Variants in CENPE observed in about 807,000 individuals in gnomAD.
The protein encoded by CENPE is centromere-associated protein E.
CENPE carries 145 observed loss-of-function variants against 336.1 expected under a neutral mutation model. That is an observed-to-expected ratio of 0.43 (90% CI 0.38 to 0.50). The LOEUF is 0.50. Ranked by LOEUF, CENPE falls within the 20% of genes least tolerant of loss-of-function variation. CENPE has a pLI of 0.00. For synonymous variants in CENPE, 1,013 were observed against 984.8 expected, an observed-to-expected ratio of 1.03 and a Z score of -0.54; for missense variants, 2,719 against 3,023.3, an observed-to-expected ratio of 0.90 and a Z score of 2.36.
chr4:103,184,077 T>A (rs929935954), intron 9 of CENPE, among the ~76,000 whole-genome samples: 1 of 152,170 alleles, frequency 6.6e-6, no homozygotes, highest in Non-Finnish European at 1.5e-5. Context: ...ACAAAAAAAA[T>A]TGTAAAAATA....
In CENPE at chr4:103,146,040, T is replaced by C; in HGVS notation, c.4202A>G (p.Lys1401Arg). The C allele has an allele frequency of 6.2e-7, 1 of 1,613,944 alleles. No individual in the cohort carries two copies. Among genetic ancestry groups the C allele is most frequent in the Non-Finnish European group, 8.5e-7 (1 of 1,179,908 alleles). The change falls in exon 30 of 49, where the codon AAA becomes AGA. Residue 1401 changes from lysine to arginine, a missense_variant. Lys to Arg is a conservative substitution (Grantham distance 26). Around this residue, in one of 5 missense-constraint regions of CENPE, gnomAD observed 2,437 missense variants for 2,513.3 expected, o/e 0.97. Transcript: ENST00000265148. ...GAATTGCTCCATCTCACTCACGATTTTGGTAGTTTCATTGTCTTTTTCTTT... is the reference window on the plus strand; with the variant it reads ...GAATTGCTCCATCTCACTCACGATTCTGGTAGTTTCATTGTCTTTTTCTTT... The part of the protein sequence containing the change: ...NMKEKDNETT[K>R]IVSEMEQFKP...
intron 46 of CENPE, among the ~76,000 whole-genome samples, chr4:103,113,958 A>G (rs983752544): frequency 1.3e-5 from 2 of 152,014 alleles, no homozygotes; most frequent in African/African-American, 4.8e-5. Context: ...GAGAAATTTG[A>G]CCAACAGATC....
chr4:103,118,170 T>C (rs1340220718), intron 44 of CENPE, among the ~76,000 whole-genome samples: 1 of 152,226 alleles, frequency 6.6e-6, no homozygotes, highest in Non-Finnish European at 1.5e-5. Flanking sequence ...AAAATGGCTG[T>C]ACCATTTTGC....
intron 44 of CENPE, among the ~76,000 whole-genome samples, 190 bp from the exon 45 acceptor site, chr4:103,116,879 T>C (rs1457822569): frequency 6.6e-6 from 1 of 152,134 alleles, no homozygotes; most frequent in African/African-American, 2.4e-5. Context: ...GAAGCTAATA[T>C]GCAATTAGAA....
intron 1 of CENPE, among the ~76,000 whole-genome samples, chr4:103,197,435 T>C (rs544791319): frequency 3.7e-4 from 56 of 152,368 alleles, no homozygotes; most frequent in Admixed American, 1.2e-3. Flanking sequence ...AAACATTCTC[T>C]ACCTGCCCAT....
Position 103,144,474 on chromosome 4 carries a change from T to C in CENPE, c.5002A>G (p.Ile1668Val), listed in dbSNP as rs780331185. Residue 1668 changes from isoleucine (I) to valine (V), a missense_variant, in exon 33 of 49, where the codon ATA (isoleucine) becomes GTA (valine). Physicochemically the swap from Ile to Val is conservative, Grantham distance 29 (BLOSUM62 3). Transcript: ENST00000265148. ...TCATGTAGTATCTGAGTCAACCTTATATTCTCCGTTTCTATGTTTTCCAGG... is the reference window on the plus strand; with the variant it reads ...TCATGTAGTATCTGAGTCAACCTTACATTCTCCGTTTCTATGTTTTCCAGG... Reference protein sequence around the residue: ...LNLENIETENIRLTQILHENL... With the variant: ...LNLENIETENVRLTQILHENL... 1.7e-5 allele frequency: 27 copies of C among 1,614,182 alleles called. No individual in the cohort carries two copies. In the South Asian group the frequency reaches 2.2e-4, roughly 13 times the overall value.
At position 103,158,421 on chromosome 4, in the gene CENPE, T is replaced by G. The variant is rs566464276; in HGVS notation, c.2912A>C (p.Glu971Ala). 6.3e-7 allele frequency: 1 copy of G among 1,599,876 alleles called. No individual in the cohort carries two copies. Among genetic ancestry groups the G allele is most frequent in the African/African-American group, 1.3e-5 (1 of 74,488 alleles). Reference protein sequence around the residue: ...DTQEQLRNALESLKQHQETIN... With the variant: ...DTQEQLRNALASLKQHQETIN... ...TGTTTCTTGATGTTGTTTCAGAGAC[T>G]CAAGAGCATTTCGTAATTGTTCTTG... Residue 971 changes from glutamate to alanine, a missense_variant, in exon 24 of 49, where the codon GAG becomes GCG. By Grantham distance (107) the Glu-to-Ala change is moderately radical. Around this residue, in one of 5 missense-constraint regions of CENPE, gnomAD observed 2,437 missense variants for 2,513.3 expected, o/e 0.97. Coordinates refer to ENST00000265148, the MANE Select transcript of CENPE (RefSeq NM_001813.3).
intron 42 of CENPE, among the ~76,000 whole-genome samples, chr4:103,126,788 G>A (rs1258093046): frequency 6.6e-6 from 1 of 152,080 alleles, no homozygotes; most frequent in East Asian, 1.9e-4. Flanking sequence ...TAAGAGAAAC[G>A]AAGAATGCCC....
chr4:103,116,972 T>C (rs1490246516), intron 44 of CENPE, among the ~76,000 whole-genome samples: 2 of 152,172 alleles, frequency 1.3e-5, no homozygotes, highest in East Asian at 3.9e-4. Flanking sequence ...TTTTTTCTAA[T>C]TGAAAATACC....
At chr4:103,193,267 A>G (rs115660397) in intron 8 of CENPE, among the ~76,000 whole-genome samples, 1 of 152,292 alleles carries the variant, frequency 6.6e-6, no homozygotes, top group Non-Finnish European at 1.5e-5. Context: ...TGAGAAAACT[A>G]AAGAGGTTAG....
intron 8 of CENPE, among the ~76,000 whole-genome samples, chr4:103,192,529 A>G (rs1441740355): frequency 2.0e-5 from 3 of 152,200 alleles, no homozygotes; most frequent in Non-Finnish European, 4.4e-5. Context: ...TGACATAGTA[A>G]TTCAAGAGAG....
intron 16 of CENPE, among the ~76,000 whole-genome samples, chr4:103,170,708 T>C (rs1168768812): frequency 6.6e-6 from 1 of 152,162 alleles, no homozygotes; most frequent in Non-Finnish European, 1.5e-5. Context: ...TTCCTACCTA[T>C]CAATGTAAAT....
At chr4:103,132,668 T>C (rs1751690726) in intron 42 of CENPE, 25 bp downstream of exon 42, 9 of 1,227,252 alleles carry the variant, frequency 7.3e-6, no homozygotes, top group Non-Finnish European at 1.0e-5. Context: ...AACAAAAAAG[T>C]AGTACAGCAA....
At position 103,198,254 on chromosome 4, in the gene CENPE, G is replaced by GC. The variant is rs1391675120; in HGVS notation, c.56+9dup. 5.8e-6 allele frequency: 9 copies of GC among 1,549,754 alleles called. No individual in the cohort carries two copies. The highest frequency in any genetic ancestry group is 7.0e-6 in the Non-Finnish European group (8 of 1,146,664). ...CCAGCGGGCACCGGGCCGTGGTGTG[G>GC]CCCCCCTACCTGCTGTTCAGCGGCC... On this transcript the variant is annotated intron_variant, in intron 1 of 48. Transcript: ENST00000265148.
chr4:103,181,087 T>C (rs1756289603), intron 12 of CENPE, among the ~76,000 whole-genome samples: 2 of 152,136 alleles, frequency 1.3e-5, no homozygotes, highest in Admixed American at 1.3e-4. Context: ...CTTGGCCCAT[T>C]TGATAATCTC....
chr4:103,113,026 ATATAAGTGTATATATATACTTATAAG>A (rs1749671679), intron 46 of CENPE, among the ~76,000 whole-genome samples: 1 of 99,216 alleles, frequency 1.0e-5, no homozygotes, highest in African/African-American at 4.3e-5. Context: ...ACTTATAAGT[ATATAAGTGTATATATATACTTATAAG>A]TATATAAGTG....
rs756702879 is a variant in CENPE at position 103,153,226 on chromosome 4, C to T, written c.3058G>A (p.Asp1020Asn). 1.2e-6 allele frequency: 2 copies of T among 1,611,610 alleles called. No individual in the cohort carries two copies. Among genetic ancestry groups the T allele is most frequent in the Non-Finnish European group, 1.7e-6 (2 of 1,179,052 alleles). ...GTTTGGGTATTTTTAGCTTCCAAAT[C>T]CTGTTTTTTATCTATGCCAACCATC... ...QKMVGIDKKQ[D>N]LEAKNTQTLT... is the part of the protein sequence containing the mutation. The change falls in exon 25 of 49, where the codon GAT (aspartate) becomes AAT (asparagine). Residue 1020 changes from aspartate to asparagine, a missense_variant. By Grantham distance (23) the Asp-to-Asn change is conservative. Around this residue, in one of 5 missense-constraint regions of CENPE, gnomAD observed 2,437 missense variants for 2,513.3 expected, o/e 0.97. Transcript: ENST00000265148.
chr4:103,172,448 T>A (rs1755493847), intron 16 of CENPE, among the ~76,000 whole-genome samples: 1 of 151,964 alleles, frequency 6.6e-6, no homozygotes, highest in Admixed American at 6.6e-5. Context: ...GTGATATGCC[T>A]CAACACAATA....
At chr4:103,193,818 T>C (rs189531703) in intron 8 of CENPE, among the ~76,000 whole-genome samples, 98 of 152,208 alleles carry the variant, frequency 6.4e-4, no homozygotes, top group African/African-American at 2.3e-3. Context: ...TGATTACTTT[T>C]TAACCATCCA....
Sources: allele counts gnomAD v4.1 joint callset (sites outside exome capture counted in the v4.1 genomes callset), GRCh38; gene constraint gnomAD v4.1.1; regional missense constraint gnomAD v4.1.1; transcripts MANE v1.5; gene names NCBI Gene and HGNC (gene_info 2026-07-23, HGNC 2026-07-21).